TMEM231: variants seen among roughly 807,000 people sequenced by gnomAD.
TMEM231 encodes the protein transmembrane protein 231.
In TMEM231, 40 loss-of-function variants were observed where a neutral mutation model predicts 38.5. The ratio of observed to expected loss-of-function variants is 1.04; its 90% CI spans 0.81 to 1.35. TMEM231 has a LOEUF of 1.35. Ranked by LOEUF, TMEM231 falls within the 40% of genes most tolerant of loss-of-function variation. The probability of loss-of-function intolerance (pLI) is 0.00; values close to 1 mark genes in which losing one functional copy is unlikely to be tolerated. For missense variants in TMEM231, 420 were observed against 416.9 expected (o/e 1.01, Z -0.07); for synonymous variants, 199 against 181.7 (o/e 1.10, Z -0.77).
At chr16:75,554,952 TG>T (rs1236999896) in intron 2 of TMEM231, 1 of 152,232 alleles carries the variant, frequency 6.6e-6, no homozygotes, top group Non-Finnish European at 1.5e-5. Flanking sequence ...ATTTAGTTGC[TG>T]GGAACAAGTC....
chr16:75,540,309 C>G, intron 6 of TMEM231, 135 bp from the exon 7 acceptor site: 3 of 881,464 alleles, frequency 3.4e-6, no homozygotes, highest in Non-Finnish European at 5.0e-6. Context: ...TGGAAGCTGA[C>G]CTGAACTTGG....
intron 4 of TMEM231, among the ~76,000 whole-genome samples, chr16:75,544,556 T>C (rs1037250825): frequency 6.6e-6 from 1 of 152,186 alleles, no homozygotes; most frequent in Non-Finnish European, 1.5e-5. Context: ...AGCTCAGAGG[T>C]TGCCATGATG....
Position 75,545,386 on chromosome 16 carries a change from G to A in TMEM231, c.548C>T (p.Pro183Leu), listed in dbSNP as rs771939606. ...NGDLRLQQKQ[P>L]LSCGGLDARY... ...GGCATCTAGGCCACCACAGCTCAGCGGCTGCTTCTGCTGCAGCCTCAGGTC... is the reference window on the plus strand; with the variant it reads ...GGCATCTAGGCCACCACAGCTCAGCAGCTGCTTCTGCTGCAGCCTCAGGTC... The change falls in exon 4 of 7, where the codon CCG becomes CTG. Residue 183 changes from proline (P) to leucine (L), a missense_variant. Coordinates refer to ENST00000258173, the MANE Select transcript of TMEM231 (RefSeq NM_001077418.3). The A allele has an allele frequency of 8.1e-6, 13 of 1,612,360 alleles. No homozygotes were observed. Among genetic ancestry groups the A allele is most frequent in the African/African-American group, 4.0e-5 (3 of 74,690 alleles).
Position 75,545,438 on chromosome 16 carries a change from G to C in TMEM231, c.496C>G (p.Pro166Ala), listed in dbSNP as rs753468407. Reference sequence around the variant, plus strand: ...CCGTTCACGTATAACTGGGATCCCGGGACAGGAAAGGAGGACTGGAGAAAC... The same window carrying C: ...CCGTTCACGTATAACTGGGATCCCGCGACAGGAAAGGAGGACTGGAGAAAC... ...MAFLQSSFPV[P>A]GSQLYVNGDL... The change falls in exon 4 of 7, where the codon CCG (proline) becomes GCG (alanine). Residue 166 changes from proline to alanine, a missense_variant. Coordinates refer to ENST00000258173, the MANE Select transcript of TMEM231 (RefSeq NM_001077418.3). The C allele has an allele frequency of 6.2e-7, 1 of 1,604,690 alleles. No individual in the cohort carries two copies. The highest frequency in any genetic ancestry group is 8.5e-7 in the Non-Finnish European group (1 of 1,174,840).
At chr16:75,543,990 G>A (rs2080654876) in intron 4 of TMEM231, among the ~76,000 whole-genome samples, 1 of 152,242 alleles carries the variant, frequency 6.6e-6, no homozygotes, top group Admixed American at 6.5e-5. Flanking sequence ...TAAAATAAAA[G>A]TGAGGAATGA....
intron 2 of TMEM231, among the ~76,000 whole-genome samples, chr16:75,554,068 A>G (rs8061183): frequency 0.26 from 38,765 of 152,010 alleles, 5,050 homozygotes; most frequent in Middle Eastern, 0.33. Context: ...CAGTGTTCAT[A>G]TAATTAAGAC....
intron 5 of TMEM231, chr16:75,541,762 A>G: frequency 5.3e-6 from 1 of 189,362 alleles, no homozygotes; most frequent in Non-Finnish European, 1.1e-5. Context: ...TGTGTGGGGA[A>G]GTATTTATAT....
chr16:75,556,270 A>C (rs2080811140), upstream of TMEM231: 1 of 1,390,158 alleles, frequency 7.2e-7, no homozygotes, highest in East Asian at 2.9e-5. Context: ...CCTGGTTGCC[A>C]TCGCCTCGGT....
At chr16:75,550,230 C>A (rs1360249439) in intron 2 of TMEM231, among the ~76,000 whole-genome samples, 4 of 152,212 alleles carry the variant, frequency 2.6e-5, no homozygotes, top group African/African-American at 9.7e-5. Context: ...GACCGCGGCC[C>A]AGATGGGGCC....
rs376555896 is a variant in TMEM231, at chr16:75,555,872, G to A, written c.241C>T (p.Leu81Phe). ...AAGGCGGGGAACGTGCTCCAGGCGA[G>A]GAACCCGTCGCTTTCGGGTCCGAGC... The part of the protein sequence containing the change: ...ALLGPESDGF[L>F]AWSTFPAFNR... The change falls in exon 2 of 7, where the codon CTC (leucine) becomes TTC (phenylalanine). Residue 81 changes from leucine (L) to phenylalanine (F), a missense_variant. Physicochemically the swap from Leu to Phe is conservative, Grantham distance 22 (BLOSUM62 0). Coordinates refer to ENST00000258173, the MANE Select transcript of TMEM231 (RefSeq NM_001077418.3). The A allele has an allele frequency of 6.7e-5, 107 of 1,591,210 alleles. No homozygotes were observed. Among genetic ancestry groups the A allele is most frequent in the Non-Finnish European group, 8.7e-5 (102 of 1,169,316 alleles).
intron 2 of TMEM231, among the ~76,000 whole-genome samples, chr16:75,550,562 T>A (rs749164777): frequency 6.6e-6 from 1 of 152,168 alleles, no homozygotes; most frequent in African/African-American, 2.4e-5. Context: ...ACCACCTGAC[T>A]GCAGGAATTG....
intron 2 of TMEM231, among the ~76,000 whole-genome samples, chr16:75,547,368 T>C (rs1156731980): frequency 6.6e-6 from 1 of 152,264 alleles, no homozygotes; most frequent in East Asian, 1.9e-4. Context: ...TCTTTCTTTC[T>C]AGACAATAAT....
rs147360530 is a variant in TMEM231 at position 75,548,305 on chromosome 16, C to T, written c.310-2351G>A. ...ATCTACGTCTGTATACTTGCCTGTGCACATCCTTCCATTCCAAGTTCGCGG... is the reference window on the plus strand; with the variant it reads ...ATCTACGTCTGTATACTTGCCTGTGTACATCCTTCCATTCCAAGTTCGCGG... On this transcript the variant is annotated intron_variant, in intron 2 of 6. Coordinates refer to ENST00000258173, the MANE Select transcript of TMEM231 (RefSeq NM_001077418.3). Among the ~76,000 whole-genome samples, 21 of 152,354 alleles carry T rather than the reference C, an allele frequency of 1.4e-4. No homozygotes were observed. The South Asian group carries it at 1.7e-3, about 12-fold the overall frequency.
chr16:75,554,612 G>C (rs2080792623), intron 2 of TMEM231, among the ~76,000 whole-genome samples: 1 of 150,606 alleles, frequency 6.6e-6, no homozygotes, highest in African/African-American at 2.4e-5. Flanking sequence ...GTCCCTAATA[G>C]TGAAAAAGTC....
chr16:75,542,291 G>A (rs1434306728), intron 5 of TMEM231, among the ~76,000 whole-genome samples: 1 of 145,740 alleles, frequency 6.9e-6, no homozygotes, highest in Non-Finnish European at 1.5e-5. Flanking sequence ...GGATAGGTGT[G>A]GTATGGGGAA....
intron 4 of TMEM231, among the ~76,000 whole-genome samples, chr16:75,543,585 A>G (rs1347057287): frequency 1.3e-5 from 2 of 152,106 alleles, no homozygotes; most frequent in Non-Finnish European, 2.9e-5. Flanking sequence ...TAAAAATAAA[A>G]TACAAATAAA....
In TMEM231 at chr16:75,539,868, T is replaced by C; in HGVS notation, c.*126A>G. On this transcript the variant is annotated 3_prime_UTR_variant, in exon 7 of 7. Coordinates refer to ENST00000258173, the MANE Select transcript of TMEM231 (RefSeq NM_001077418.3). Reference sequence around the variant, plus strand: ...GTAGAGCAAAACCGGAAAGAACCGTTGTCTCTGAGGGAAAAGCACACAAGC... The same window carrying C: ...GTAGAGCAAAACCGGAAAGAACCGTCGTCTCTGAGGGAAAAGCACACAAGC... 1 of 749,152 alleles carries C rather than the reference T, an allele frequency of 1.3e-6. No homozygotes were observed. The highest frequency in any genetic ancestry group is 2.1e-6 in the Non-Finnish European group (1 of 473,902). The allele number at this position is 749,152 out of a possible 1,614,324, so 46.4% of individuals were successfully genotyped here. A position where few individuals can be genotyped will look rare whatever the true frequency, so the allele number is the denominator to read the frequency against.
intron 2 of TMEM231, among the ~76,000 whole-genome samples, chr16:75,551,108 G>A (rs185382054): frequency 6.0e-4 from 91 of 152,292 alleles, no homozygotes; most frequent in Non-Finnish European, 9.8e-4. Context: ...TTCTTTTTAA[G>A]CTAAAAATAC....
Position 75,556,138 on chromosome 16 carries a change from C to T in TMEM231, c.72G>A (p.Ala24=). ...SYRAGLCSKA[A]LFLLLAAALT... ...GCGCAGCGGCCAGCAGCAGGAACAG[C>T]GCGGCTTTGGAGCAGAGCCCCGCGC... is the stretch of plus-strand genomic sequence containing the variant. Residue 24 remains alanine (A), a synonymous_variant, in exon 1 of 7, where the codon GCG becomes GCA. Coordinates refer to ENST00000258173, the MANE Select transcript of TMEM231 (RefSeq NM_001077418.3). 6.3e-7 allele frequency: 1 copy of T among 1,578,778 alleles called. No individual in the cohort carries two copies. Among genetic ancestry groups the T allele is most frequent in the Admixed American group, 1.8e-5 (1 of 55,198 alleles).
Sources: allele counts gnomAD v4.1 joint callset (sites outside exome capture counted in the v4.1 genomes callset), GRCh38; gene constraint gnomAD v4.1.1; transcripts MANE v1.5; gene names NCBI Gene and HGNC (gene_info 2026-07-23, HGNC 2026-07-21).